Variants in HNF4A observed in about 807,000 individuals in gnomAD.
The protein encoded by HNF4A is hepatocyte nuclear factor 4 alpha.
Under a neutral mutation model 52.4 loss-of-function variants are expected in HNF4A, and 15 were observed. The ratio of observed to expected loss-of-function variants is 0.29; its 90% CI spans 0.19 to 0.44. HNF4A has a LOEUF of 0.44. Ranked by LOEUF, HNF4A falls within the 20% of genes least tolerant of loss-of-function variation. The pLI is 1.00. For missense variants in HNF4A, 479 were observed against 647.2 expected, an observed-to-expected ratio of 0.74 and a Z score of 2.82; for synonymous variants, 280 against 264.4, an observed-to-expected ratio of 1.06 and a Z score of -0.57.
rs2063890630 is a variant in HNF4A, at chr20:44,432,486, A to C, written c.*2821A>C. 1 of 151,010 alleles carries C rather than the reference A, an allele frequency of 6.6e-6. No individual in the cohort carries two copies. The highest frequency in any genetic ancestry group is 2.4e-5 in the African/African-American group (1 of 41,054). 9.4% of individuals were successfully genotyped at this position (151,010 alleles called of 1,614,324 possible). On this transcript the variant is annotated 3_prime_UTR_variant, in exon 10 of 10. Transcript: ENST00000316099. ...ACACCCTGATCTTCAGGCGGGTCTC[A>C]GGAGCTTCTAAAAATCCGCATGGCT...
intron 1 of HNF4A, chr20:44,402,683 G>A (rs777322631): frequency 1.6e-6 from 2 of 1,238,004 alleles, no homozygotes; most frequent in African/African-American, 1.5e-5. Flanking sequence ...CCTCCTGGAG[G>A]GAAGAGCCCC....
At position 44,381,661 on chromosome 20, in the gene HNF4A, C is replaced by G. The variant is rs115858603; in HGVS notation, c.50-24397C>G. 4.4e-3 allele frequency among the ~76,000 whole-genome samples: 666 copies of G among 151,152 alleles called. 3 individuals are homozygous for G. Among genetic ancestry groups the G allele is most frequent in the African/African-American group, 0.015 (623 of 41,156 alleles). ...AGTCTCAATCTATCACCCAGGATGG[C>G]GTGCAGCGGCACGATCTCAGCTCAT... On this transcript the variant is annotated intron_variant, in intron 1 of 9. Transcript: ENST00000316673.
intron 1 of HNF4A, among the ~76,000 whole-genome samples, chr20:44,405,283 T>G (rs1034405810): frequency 6.6e-6 from 1 of 152,134 alleles, no homozygotes; most frequent in Non-Finnish European, 1.5e-5. Flanking sequence ...TTTTTAAATT[T>G]TTTAAATTTT....
chr20:44,361,390 A>G (rs2062915097), intron 1 of HNF4A, among the ~76,000 whole-genome samples: 2 of 152,222 alleles, frequency 1.3e-5, no homozygotes, highest in Non-Finnish European at 2.9e-5. Context: ...GCCTCAACCC[A>G]GAAGCCTCCC....
rs1263197543 is a variant in HNF4A at position 44,431,019 on chromosome 20, G to GC, written c.*1357dup. 1 of 124,726 alleles carries GC rather than the reference G, an allele frequency of 8.0e-6. No homozygotes were observed. The highest frequency in any genetic ancestry group is 1.7e-5 in the Non-Finnish European group (1 of 59,858). 7.7% of individuals were successfully genotyped at this position (124,726 alleles called of 1,614,324 possible). A position where few individuals can be genotyped will look rare whatever the true frequency, so the allele number is the denominator to read the frequency against. On this transcript the variant is annotated 3_prime_UTR_variant, in exon 10 of 10. Coordinates refer to ENST00000316099, the MANE Select transcript of HNF4A (RefSeq NM_000457.6). ...TTTTTTATTCTCCTCCTCCCTCCCC[G>GC]CCCTCACCCGCCCCACTCCCTCCTA...
Position 44,425,338 on chromosome 20 carries a change from C to T in HNF4A, c.1129+1084C>T, listed in dbSNP as rs183081455. 2.0e-3 allele frequency among the ~76,000 whole-genome samples: 309 copies of T among 152,244 alleles called. 1 individual carries two copies. Among genetic ancestry groups the T allele is most frequent in the Non-Finnish European group, 3.5e-3 (239 of 68,022 alleles). On this transcript the variant is annotated intron_variant, in intron 8 of 9. Coordinates refer to ENST00000316099, the MANE Select transcript of HNF4A (RefSeq NM_000457.6). ...TGGGTAGAGAGTGAATTGCAGATTC[C>T]TGAGAATGTCACTGTCTCCAATCAT...
At chr20:44,404,484 GTGTC>G (rs1307779396) in intron 1 of HNF4A, among the ~76,000 whole-genome samples, 1 of 152,002 alleles carries the variant, frequency 6.6e-6, no homozygotes, top group East Asian at 1.9e-4. Context: ...GTGTGTGTGT[GTGTC>G]TGTGTATGTG....
intron 5 of HNF4A, 124 bp downstream of exon 5, chr20:44,414,786 T>A: frequency 1.1e-6 from 1 of 872,648 alleles, no homozygotes; most frequent in Non-Finnish European, 1.8e-6. Flanking sequence ...AAATATGTAG[T>A]GCACACACGT....
chr20:44,432,003 C>A lies in HNF4A; in HGVS notation c.*2338C>A, dbSNP rs907403794. 2 of 152,304 alleles carry A rather than the reference C, an allele frequency of 1.3e-5. No individual in the cohort carries two copies. The highest frequency in any genetic ancestry group is 2.9e-5 in the Non-Finnish European group (2 of 68,102). The allele number at this position is 152,304 out of a possible 1,614,324, so 9.4% of individuals were successfully genotyped here. ...AAGTGCCCCTGAAATCCCTGCCAGA[C>A]GGCTCAGCCTGGTCTGCGGTAAGGC... On this transcript the variant is annotated 3_prime_UTR_variant, in exon 10 of 10. Coordinates refer to ENST00000316099, the MANE Select transcript of HNF4A (RefSeq NM_000457.6).
At chr20:44,379,139 A>C (rs1255061520) in intron 1 of HNF4A, among the ~76,000 whole-genome samples, 1 of 152,096 alleles carries the variant, frequency 6.6e-6, no homozygotes, top group Non-Finnish European at 1.5e-5. Context: ...CATCCTTTTT[A>C]AGGCTGAATA....
intron 3 of HNF4A, among the ~76,000 whole-genome samples, chr20:44,412,123 T>C (rs2063593257): frequency 6.6e-6 from 1 of 151,962 alleles, no homozygotes; most frequent in African/African-American, 2.4e-5. Flanking sequence ...ACTGCACAAA[T>C]ATTCATTGAG....
intron 1 of HNF4A, among the ~76,000 whole-genome samples, chr20:44,383,016 A>G (rs1228110571): frequency 6.6e-6 from 1 of 152,118 alleles, no homozygotes; most frequent in Non-Finnish European, 1.5e-5. Context: ...AAAATATAGA[A>G]AAATTAGCCA....
chr20:44,391,423 C>G (rs1403457071), intron 1 of HNF4A: 1 of 152,730 alleles, frequency 6.5e-6, no homozygotes, highest in Non-Finnish European at 1.5e-5. Flanking sequence ...ACCCCGACAG[C>G]CCCCCTCCTC....
Position 44,379,584 on chromosome 20 carries a change from C to T in HNF4A, c.49+23731C>T, listed in dbSNP as rs191659866. ...GGTTTTTTTTGGAGACATAGTCTTG[C>T]TCTGTCGCCCAGGCTGGAGTGCAGT... On this transcript the variant is annotated intron_variant, in intron 1 of 9. Transcript: ENST00000316673. Among the ~76,000 whole-genome samples the T allele has an allele frequency of 2.6e-3, 403 of 152,092 alleles. 2 individuals carry two copies. The highest frequency in any genetic ancestry group is 4.0e-3 in the Non-Finnish European group (274 of 68,002).
chr20:44,389,130 G>A (rs1025435152), intron 1 of HNF4A, among the ~76,000 whole-genome samples: 1 of 152,208 alleles, frequency 6.6e-6, no homozygotes, highest in Non-Finnish European at 1.5e-5. Context: ...TTGCAAAGTG[G>A]CATCTCATTG....
At chr20:44,423,289 C>A (rs2063772579) in intron 7 of HNF4A, among the ~76,000 whole-genome samples, 1 of 152,090 alleles carries the variant, frequency 6.6e-6, no homozygotes. Context: ...GCACTCCAGG[C>A]TGGGGGTCAG....
At chr20:44,410,512 A>T (rs2063566411) in intron 3 of HNF4A, among the ~76,000 whole-genome samples, 1 of 151,678 alleles carries the variant, frequency 6.6e-6, no homozygotes, top group African/African-American at 2.4e-5. Context: ...GCCTGCTGGG[A>T]AGCTCCCAAA....
intron 6 of HNF4A, 77 bp downstream of exon 6, chr20:44,418,589 C>T: frequency 9.2e-7 from 1 of 1,091,884 alleles, no homozygotes; most frequent in Non-Finnish European, 1.4e-6. Flanking sequence ...CAAGGAGATT[C>T]ACATGGTGGC....
chr20:44,414,716 G>T, intron 5 of HNF4A, 54 bp downstream of exon 5: 1 of 1,542,616 alleles, frequency 6.5e-7, no homozygotes, highest in Non-Finnish European at 8.8e-7. Context: ...GGGCAGCCAG[G>T]GGGCTGCTGG....
Sources: gnomAD v4.1 joint callset for allele counts (sites outside exome capture counted in the v4.1 genomes callset) on GRCh38, gnomAD v4.1.1 for gene constraint, MANE v1.5 for transcripts, NCBI Gene and HGNC (gene_info 2026-07-23, HGNC 2026-07-21) for gene names.